Variants in IGSF11 observed in about 807,000 individuals in gnomAD.
IGSF11 encodes the protein immunoglobulin superfamily member 11.
A neutral mutation model predicts 41.0 loss-of-function variants in IGSF11; 22 were observed. The ratio of observed to expected loss-of-function variants is 0.54; its 90% confidence interval spans 0.38 to 0.77. The LOEUF (loss-of-function observed/expected upper bound fraction) is 0.77. IGSF11 is among the 30% of genes least tolerant of loss of function. The probability of loss-of-function intolerance (pLI) is 0.00; values close to 1 mark genes in which losing one functional copy is unlikely to be tolerated. For synonymous variants in IGSF11, 219 were observed against 201.3 expected (o/e 1.09, Z -0.74); for missense variants, 444 against 530.8 (o/e 0.84, Z 1.61).
intron 1 of IGSF11, among the ~76,000 whole-genome samples, chr3:119,009,051 T>A (rs558959371): frequency 8.5e-5 from 13 of 152,250 alleles, no homozygotes; most frequent in African/African-American, 3.1e-4. Flanking sequence ...AATTTATTTA[T>A]ACATACATAC....
At chr3:119,070,868 G>C (rs1219886889) in intron 1 of IGSF11, among the ~76,000 whole-genome samples, 1 of 152,186 alleles carries the variant, frequency 6.6e-6, no homozygotes, top group Non-Finnish European at 1.5e-5. Context: ...AGGAGGCTCT[G>C]AACACAACAT....
chr3:119,139,360 T>A (rs978931472), intron 1 of IGSF11, among the ~76,000 whole-genome samples: 3 of 152,204 alleles, frequency 2.0e-5, no homozygotes, highest in Admixed American at 2.0e-4. Flanking sequence ...AGGTATTTGA[T>A]ATGGTTTGGT....
intron 1 of IGSF11, among the ~76,000 whole-genome samples, chr3:119,047,647 G>A (rs544297755): frequency 7.2e-5 from 11 of 152,036 alleles, no homozygotes; most frequent in South Asian, 2.1e-4. Flanking sequence ...CCAAGAGGAC[G>A]TAATAGACAT....
intron 4 of IGSF11, among the ~76,000 whole-genome samples, chr3:118,911,242 C>T (rs565757908): frequency 1.0e-3 from 153 of 151,272 alleles, no homozygotes; most frequent in African/African-American, 3.4e-3. Context: ...GGGTTTGCTT[C>T]ATGTCAGAGG....
At chr3:118,997,547 C>G (rs1327665063) in intron 1 of IGSF11, among the ~76,000 whole-genome samples, 1 of 142,638 alleles carries the variant, frequency 7.0e-6, no homozygotes, top group African/African-American at 2.5e-5. Flanking sequence ...GCCACACCAC[C>G]CCCCTCCCCC....
chr3:119,121,715 G>A (rs1204270781), intron 1 of IGSF11, among the ~76,000 whole-genome samples: 2 of 152,102 alleles, frequency 1.3e-5, no homozygotes, highest in African/African-American at 4.8e-5. Flanking sequence ...AAAGCTCAAT[G>A]AACTCCGAGT....
chr3:119,065,148 G>A (rs1290556750), intron 1 of IGSF11, among the ~76,000 whole-genome samples: 1 of 152,096 alleles, frequency 6.6e-6, no homozygotes, highest in African/African-American at 2.4e-5. Context: ...GATTTTAATA[G>A]ATATATTTAT....
chr3:118,905,097 T>A (rs1179246689), intron 5 of IGSF11, among the ~76,000 whole-genome samples: 4 of 152,208 alleles, frequency 2.6e-5, no homozygotes, highest in Non-Finnish European at 5.9e-5. Flanking sequence ...CTAACTTGCC[T>A]GGTCTACCCT....
chr3:119,092,098 G>C (rs1292195499), intron 1 of IGSF11, among the ~76,000 whole-genome samples: 1 of 150,918 alleles, frequency 6.6e-6, no homozygotes, highest in Non-Finnish European at 1.5e-5. Context: ...TGAAACCTCC[G>C]CCTCCTGGGT....
intron 1 of IGSF11, among the ~76,000 whole-genome samples, chr3:119,008,530 T>A (rs1257215853): frequency 6.9e-6 from 1 of 144,396 alleles, no homozygotes; most frequent in Non-Finnish European, 1.5e-5. Context: ...GGAGGAAGTT[T>A]TTAGGAGGAG....
intron 1 of IGSF11, among the ~76,000 whole-genome samples, chr3:119,020,159 T>C (rs1400564756): frequency 6.6e-6 from 1 of 152,214 alleles, no homozygotes; most frequent in African/African-American, 2.4e-5. Context: ...GTCTATTGTA[T>C]TGTGTTACTA....
chr3:118,904,991 T>C (rs1338353603), intron 5 of IGSF11, among the ~76,000 whole-genome samples, 193 bp from the exon 6 acceptor site: 3 of 152,214 alleles, frequency 2.0e-5, no homozygotes, highest in African/African-American at 4.8e-5. Flanking sequence ...GACTAACACA[T>C]AGTAGGCTCT....
At chr3:119,129,754 A>C (rs557863666) in intron 1 of IGSF11, among the ~76,000 whole-genome samples, 34 of 152,326 alleles carry the variant, frequency 2.2e-4, no homozygotes, top group Non-Finnish European at 4.0e-4. Context: ...GGAGGCCAAG[A>C]TAGGTGGATC....
Position 118,912,258 on chromosome 3 carries a change from T to C in IGSF11, c.581-6540A>G, listed in dbSNP as rs540705839. Among the ~76,000 whole-genome samples, 3 of 152,334 alleles carry C rather than the reference T, an allele frequency of 2.0e-5. No homozygotes were observed. The South Asian group carries it at 6.2e-4, about 32-fold the overall frequency. On this transcript the variant is annotated intron_variant, in intron 4 of 6. Coordinates refer to ENST00000393775, the MANE Select transcript of IGSF11 (RefSeq NM_001015887.3). Reference sequence around the variant, plus strand: ...GTTTTTTTTCTAATTATCCCTCAGCTTTCCTTTCTGAGTTCAAGTTTTACT... The same window carrying C: ...GTTTTTTTTCTAATTATCCCTCAGCCTTCCTTTCTGAGTTCAAGTTTTACT...
intron 1 of IGSF11, among the ~76,000 whole-genome samples, chr3:119,027,882 A>G (rs568327862): frequency 2.0e-5 from 3 of 152,336 alleles, no homozygotes; most frequent in South Asian, 2.1e-4. Flanking sequence ...AAATAAGTAC[A>G]TAAGTGTACT....
chr3:118,969,455 T>C (rs958312162), intron 1 of IGSF11, among the ~76,000 whole-genome samples: 1 of 152,114 alleles, frequency 6.6e-6, no homozygotes, highest in African/African-American at 2.4e-5. Context: ...AGGTTCAGGT[T>C]GGAAAACAGC....
chr3:118,909,238 T>A (rs1939979107), intron 4 of IGSF11, among the ~76,000 whole-genome samples: 1 of 152,102 alleles, frequency 6.6e-6, no homozygotes, highest in African/African-American at 2.4e-5. Context: ...ACTTATATAT[T>A]TTAAATAATG....
At position 118,926,211 on chromosome 3, in the gene IGSF11, A is replaced by G; in HGVS notation, c.470T>C (p.Ile157Thr). ...ACAGAGCAGGATGACATCGCTGCCA[A>G]TATCCTGGGATCCTTGGATTTGGCA... ...PHCQIQGSQD[I>T]GSDVILLCSS... The change falls in exon 4 of 7, where the codon ATT becomes ACT. Residue 157 changes from isoleucine (I) to threonine (T), a missense_variant. Physicochemically the swap from Ile to Thr is moderately conservative, Grantham distance 89. This residue lies in a region of IGSF11 where 193 missense variants were observed against 283.5 expected (regional missense o/e 0.68). Coordinates refer to ENST00000393775, the MANE Select transcript of IGSF11 (RefSeq NM_001015887.3). 2.5e-6 allele frequency: 4 copies of G among 1,610,976 alleles called. No individual in the cohort carries two copies. The highest frequency in any genetic ancestry group is 1.1e-5 in the South Asian group (1 of 90,722).
intron 1 of IGSF11, among the ~76,000 whole-genome samples, chr3:119,140,393 T>C (rs1451967150): frequency 6.6e-6 from 1 of 152,180 alleles, no homozygotes; most frequent in Non-Finnish European, 1.5e-5. Context: ...TTTATAATGA[T>C]AAGAAGGTCA....
Sources: gnomAD v4.1 joint callset for allele counts (sites outside exome capture counted in the v4.1 genomes callset) on GRCh38, gnomAD v4.1.1 for gene constraint, gnomAD v4.1.1 regional missense constraint, MANE v1.5 for transcripts, NCBI Gene and HGNC (gene_info 2026-07-23, HGNC 2026-07-21) for gene names.